The following PCDH7 variants were observed in gnomAD, a reference collection of about 807,000 sequenced individuals.
PCDH7 encodes the protein protocadherin-7.
In PCDH7, 17 loss-of-function variants were observed where a neutral mutation model predicts 58.9. The observed-to-expected ratio is 0.29, with a 90% CI of 0.20 to 0.43. PCDH7 has a LOEUF of 0.43. Ranked by LOEUF, PCDH7 falls within the 20% of genes least tolerant of loss-of-function variation. PCDH7 has a pLI of 1.00. For missense variants in PCDH7, 1,274 were observed against 1,441.0 expected (o/e 0.88, Z 1.88); for synonymous variants, 664 against 616.4 (o/e 1.08, Z -1.14).
At chr4:30,756,843 T>G (rs1308933268) in intron 1 of PCDH7, among the ~76,000 whole-genome samples, 1 of 152,184 alleles carries the variant, frequency 6.6e-6, no homozygotes, top group South Asian at 2.1e-4. Flanking sequence ...TCATCTCCCT[T>G]TTGGCTGTGA....
chr4:31,061,246 A>C (rs1304041317), intron 3 of PCDH7, among the ~76,000 whole-genome samples: 1 of 151,572 alleles, frequency 6.6e-6, no homozygotes, highest in Non-Finnish European at 1.5e-5. Context: ...AATATTTGTG[A>C]TTTTATTTTA....
At chr4:30,730,857 G>C (rs549129376) in exon 2 of PCDH7, 2 of 1,517,038 alleles carry the variant, frequency 1.3e-6, no homozygotes, top group South Asian at 1.4e-5. Flanking sequence ...AAACCTGCTG[G>C]AGCCTGCCCT....
At chr4:30,939,051 C>G (rs923044632) in intron 2 of PCDH7, among the ~76,000 whole-genome samples, 4 of 152,046 alleles carry the variant, frequency 2.6e-5, no homozygotes, top group Admixed American at 6.6e-5. Flanking sequence ...TCTAAATGTC[C>G]TTTACACCTA....
intron 1 of PCDH7, among the ~76,000 whole-genome samples, chr4:30,766,799 A>G (rs1015930995): frequency 1.4e-4 from 22 of 152,106 alleles, no homozygotes; most frequent in African/African-American, 4.8e-4. Context: ...TAAATGTTAC[A>G]TCTGATTTAT....
chr4:30,750,291 T>G (rs770663850), intron 1 of PCDH7, among the ~76,000 whole-genome samples: 1 of 152,164 alleles, frequency 6.6e-6, no homozygotes, highest in Non-Finnish European at 1.5e-5. Flanking sequence ...TTTCTCTCTT[T>G]TTAGTATGGG....
At chr4:30,748,952 C>A (rs1169693592) in intron 1 of PCDH7, among the ~76,000 whole-genome samples, 2 of 152,110 alleles carry the variant, frequency 1.3e-5, no homozygotes, top group Non-Finnish European at 2.9e-5. Context: ...AGTCATAATT[C>A]TTTCCTCTCT....
chr4:30,730,823 T>C (rs970558920), exon 2 of PCDH7: 2 of 1,575,834 alleles, frequency 1.3e-6, no homozygotes, highest in East Asian at 2.3e-5. Context: ...TTATGCACCA[T>C]ACTGTGATGA....
At chr4:31,076,049 C>A (rs1034214597) in intron 3 of PCDH7, among the ~76,000 whole-genome samples, 3 of 152,160 alleles carry the variant, frequency 2.0e-5, no homozygotes, top group Non-Finnish European at 4.4e-5. Context: ...AAGTGACATG[C>A]AAATATTATG....
At chr4:31,050,881 A>C (rs1270220367) in intron 3 of PCDH7, among the ~76,000 whole-genome samples, 1 of 152,264 alleles carries the variant, frequency 6.6e-6, no homozygotes, top group Non-Finnish European at 1.5e-5. Flanking sequence ...AGGACTGAAT[A>C]TATTTCCAGG....
intron 1 of PCDH7, among the ~76,000 whole-genome samples, chr4:30,881,060 T>C (rs888226584): frequency 2.6e-5 from 4 of 152,136 alleles, no homozygotes; most frequent in African/African-American, 9.7e-5. Flanking sequence ...CCAGTTCACA[T>C]ACATTTCCTG....
intron 3 of PCDH7, among the ~76,000 whole-genome samples, chr4:30,986,422 A>C (rs1047239699): frequency 6.6e-6 from 1 of 152,196 alleles, no homozygotes; most frequent in Non-Finnish European, 1.5e-5. Context: ...AGCAAAAAAC[A>C]AACAAACAAG....
intron 3 of PCDH7, among the ~76,000 whole-genome samples, chr4:30,981,209 C>T (rs1220386076): frequency 2.0e-5 from 3 of 152,166 alleles, no homozygotes; most frequent in Non-Finnish European, 4.4e-5. Context: ...GACTAATTAA[C>T]ACTCCCCCCA....
At chr4:30,965,095 A>G (rs1748879651) in intron 3 of PCDH7, among the ~76,000 whole-genome samples, 1 of 152,116 alleles carries the variant, frequency 6.6e-6, no homozygotes, top group African/African-American at 2.4e-5. Flanking sequence ...GCAGCTCTTT[A>G]TTTCTGTTGG....
intron 3 of PCDH7, among the ~76,000 whole-genome samples, chr4:31,079,420 G>A (rs548041079): frequency 5.1e-4 from 71 of 139,478 alleles, no homozygotes; most frequent in Non-Finnish European, 9.0e-4. Context: ...TATCCAAGTG[G>A]CTGGTAAACA....
chr4:30,970,382 C>T (rs1047895450), intron 3 of PCDH7, among the ~76,000 whole-genome samples: 5 of 152,056 alleles, frequency 3.3e-5, no homozygotes, highest in African/African-American at 9.7e-5. Context: ...GCAAGCTCCC[C>T]CTGCCGTGTT....
chr4:30,958,463 ATAAT>A (rs907160021), intron 3 of PCDH7, among the ~76,000 whole-genome samples: 11 of 152,030 alleles, frequency 7.2e-5, no homozygotes, highest in African/African-American at 2.7e-4. Context: ...TATTTAAATG[ATAAT>A]TAATAACTTA....
At position 31,074,652 on chromosome 4, in the gene PCDH7, C is replaced by T. The variant is rs990919876; in HGVS notation, c.*8-67821C>T. Among the ~76,000 whole-genome samples the T allele has an allele frequency of 3.3e-5, 5 of 151,672 alleles. No homozygotes were observed. The East Asian group carries it at 7.9e-4, about 24-fold the overall frequency. Reference sequence around the variant, plus strand: ...ACAAAAAAATAGCCAGGCATGGTGGCACATGCTTGTATTCCCAGCCACTCA... The same window carrying T: ...ACAAAAAAATAGCCAGGCATGGTGGTACATGCTTGTATTCCCAGCCACTCA... On this transcript the variant is annotated intron_variant, in intron 3 of 3. Transcript: ENST00000509759.
At chr4:31,086,095 T>C in intron 3 of PCDH7, among the ~76,000 whole-genome samples, 1 of 152,168 alleles carries the variant, frequency 6.6e-6, no homozygotes, top group Non-Finnish European at 1.5e-5. Context: ...TTTTGCTTTG[T>C]TTGGAAAAAT....
At chr4:31,005,679 GA>G (rs1203567089) in intron 3 of PCDH7, among the ~76,000 whole-genome samples, 10 of 152,130 alleles carry the variant, frequency 6.6e-5, no homozygotes, top group Admixed American at 2.0e-4. Context: ...AGTAGAAGTG[GA>G]AACAGGTTGA....
Sources: gnomAD v4.1 joint callset for allele counts (sites outside exome capture counted in the v4.1 genomes callset) on GRCh38, gnomAD v4.1.1 for gene constraint, MANE v1.5 for transcripts, NCBI Gene and HGNC (gene_info 2026-07-23, HGNC 2026-07-21) for gene names.